The following MAP3K19 variants were observed in gnomAD, a reference collection of about 807,000 sequenced individuals.
MAP3K19 encodes the protein SPS1/STE20-related protein kinase YSK4.
In MAP3K19, 91 loss-of-function variants were observed where a neutral mutation model predicts 114.4. The ratio of observed to expected loss-of-function variants is 0.80; its 90% CI spans 0.67 to 0.95. MAP3K19 has a LOEUF of 0.95. Among genes scored for constraint, MAP3K19 ranks in the 40% least tolerant of loss-of-function variants. The probability of loss-of-function intolerance (pLI) is 0.00; values close to 1 mark genes in which losing one functional copy is unlikely to be tolerated. For synonymous variants in MAP3K19, 518 were observed against 530.5 expected, an observed-to-expected ratio of 0.98 and a Z score of 0.32; for missense variants, 1,471 against 1,573.2, an observed-to-expected ratio of 0.94 and a Z score of 1.10.
At chr2:135,018,391 T>C (rs1033882691) in intron 5 of MAP3K19, among the ~76,000 whole-genome samples, 5 of 151,558 alleles carry the variant, frequency 3.3e-5, no homozygotes, top group East Asian at 1.9e-4. Flanking sequence ...GGCTGGAGCA[T>C]AGTGGCATGG....
At chr2:134,968,222 A>G (rs539920287) in intron 12 of MAP3K19, among the ~76,000 whole-genome samples, 16 of 152,302 alleles carry the variant, frequency 1.1e-4, no homozygotes, top group East Asian at 5.8e-4. Flanking sequence ...AATTTTTCTT[A>G]GTACAGAACA....
At position 134,999,061 on chromosome 2, in the gene MAP3K19, T is replaced by C. The variant is rs1371625180; in HGVS notation, c.315-64A>G. 2.6e-6 allele frequency: 4 copies of C among 1,544,546 alleles called. No individual in the cohort carries two copies. In the African/African-American group the frequency reaches 5.5e-5, roughly 21 times the overall value. ...GCCACATCTTCTGGATCTCCAGTCC[T>C]CAGTTCAGCCTGACATCACTAGAAA... On this transcript the variant is annotated intron_variant, in intron 7 of 12. Transcript: ENST00000392915. This position sits in a 1 kb window ranked among gnomAD's most constrained non-coding sequence, Gnocchi z 4.1.
At chr2:134,992,362 C>T (rs1685643741) in intron 8 of MAP3K19, among the ~76,000 whole-genome samples, 1 of 152,144 alleles carries the variant, frequency 6.6e-6, no homozygotes, top group South Asian at 2.1e-4. Context: ...ATGGGACTTA[C>T]TAGGTAGTAT....
At chr2:135,024,859 G>A in intron 3 of MAP3K19, 118 bp from the exon 4 acceptor site, 3 of 494,862 alleles carry the variant, frequency 6.1e-6, no homozygotes, top group South Asian at 3.4e-5. Flanking sequence ...ATGTAGTTTG[G>A]GGATAATAAT....
intron 8 of MAP3K19, among the ~76,000 whole-genome samples, chr2:134,996,131 G>T (rs530376559): frequency 2.1e-3 from 321 of 152,078 alleles, no homozygotes; most frequent in African/African-American, 6.5e-3. Context: ...TTTTATATAT[G>T]TACTTTTTTT....
intron 10 of MAP3K19, 75 bp from the exon 11 acceptor site, chr2:134,983,900 A>G (rs1389581095): frequency 9.6e-7 from 1 of 1,040,634 alleles, no homozygotes; most frequent in East Asian, 2.7e-5. Context: ...GTGAGAGTAA[A>G]GTCTTCTTTT....
chr2:134,989,919 T>C (rs1199929615), intron 9 of MAP3K19, among the ~76,000 whole-genome samples: 7 of 151,882 alleles, frequency 4.6e-5, no homozygotes, highest in Non-Finnish European at 1.5e-5. Context: ...CCATCTCTAC[T>C]AAAAATACAA....
chr2:135,037,472 T>C (rs1416506420), intron 2 of MAP3K19, among the ~76,000 whole-genome samples: 2 of 152,186 alleles, frequency 1.3e-5, no homozygotes, highest in Non-Finnish European at 2.9e-5. Flanking sequence ...GGTCCCAGAC[T>C]CTGTTGGTGA....
intron 1 of MAP3K19, among the ~76,000 whole-genome samples, chr2:135,041,683 CA>C (rs1210773413): frequency 6.6e-6 from 1 of 152,178 alleles, no homozygotes; most frequent in East Asian, 1.9e-4. Context: ...CTCTATACTC[CA>C]ACTTCTGCTT....
At chr2:135,021,662 A>G in intron 5 of MAP3K19, 53 bp downstream of exon 5, 1 of 946,970 alleles carries the variant, frequency 1.1e-6, no homozygotes, top group Non-Finnish European at 1.6e-6. Flanking sequence ...CAACACAAAT[A>G]AAGTAGTAGA....
chr2:134,991,446 C>A, intron 9 of MAP3K19, 91 bp downstream of exon 9: 1 of 1,086,694 alleles, frequency 9.2e-7, no homozygotes, highest in South Asian at 1.3e-5. Flanking sequence ...GTTGAAGGGT[C>A]AAGTGTAATT....
At chr2:135,025,587 C>T (rs11903529) in intron 3 of MAP3K19, among the ~76,000 whole-genome samples, 39,982 of 151,542 alleles carry the variant, frequency 0.26, 7,075 homozygotes, top group African/African-American at 0.48. Flanking sequence ...GGGGTTTCAC[C>T]GTGTTAGCCA....
Position 134,999,020 on chromosome 2 carries a change from G to T in MAP3K19, c.315-23C>A, listed in dbSNP as rs201063592. 87 of 1,598,146 alleles carry T rather than the reference G, an allele frequency of 5.4e-5. 1 individual carries two copies. In the African/African-American group the frequency reaches 1.1e-3, roughly 21 times the overall value. ...AGACTAAAGGGGGAGGGAAATGTTTGATTTAAAACTCAGTTGCCACATCTT... is the reference window on the plus strand; with the variant it reads ...AGACTAAAGGGGGAGGGAAATGTTTTATTTAAAACTCAGTTGCCACATCTT... On this transcript the variant is annotated intron_variant, in intron 7 of 12. Transcript: ENST00000392915. The surrounding 1 kb of genome is among the most constrained non-coding windows in gnomAD (Gnocchi z 4.1).
At chr2:134,978,116 A>T (rs551547594) in intron 12 of MAP3K19, among the ~76,000 whole-genome samples, 35 of 151,862 alleles carry the variant, frequency 2.3e-4, no homozygotes, top group African/African-American at 8.0e-4. Flanking sequence ...GTTAGCTTCC[A>T]TTGTGAGCAT....
At chr2:134,996,259 T>C (rs1559163092) in intron 8 of MAP3K19, among the ~76,000 whole-genome samples, 1 of 149,636 alleles carries the variant, frequency 6.7e-6, no homozygotes, top group South Asian at 2.1e-4. Flanking sequence ...GCACAGCTAG[T>C]ACTTCTTATT....
intron 12 of MAP3K19, among the ~76,000 whole-genome samples, chr2:134,969,206 G>A (rs1317358123): frequency 6.6e-6 from 1 of 152,120 alleles, no homozygotes; most frequent in Non-Finnish European, 1.5e-5. Flanking sequence ...ACGAAAACCA[G>A]TCAGGTGTGG....
intron 5 of MAP3K19, among the ~76,000 whole-genome samples, chr2:135,014,503 A>G (rs1034751463): frequency 3.3e-5 from 5 of 152,146 alleles, no homozygotes; most frequent in African/African-American, 1.2e-4. Context: ...GCTGAAAACC[A>G]TATTCTTTTT....
In MAP3K19 at chr2:134,998,759, C is replaced by T; in HGVS notation, c.553G>A (p.Glu185Lys). 1 of 1,599,790 alleles carries T rather than the reference C, an allele frequency of 6.3e-7. No individual in the cohort carries two copies. Among genetic ancestry groups the T allele is most frequent in the Non-Finnish European group, 8.5e-7 (1 of 1,172,712 alleles). The change falls in exon 8 of 13, where the codon GAG becomes AAG. Residue 185 changes from glutamate (E) to lysine (K), a missense_variant. By Grantham distance (56) the Glu-to-Lys change is moderately conservative. Coordinates refer to ENST00000392915, the MANE Select transcript of MAP3K19 (RefSeq NM_025052.5). ...TREDAPHFLK[E>K]QQRKSEEFST... ...TTACCTTCAGATTTTCTTTGCTGCTCCTTCAGAAAATGAGGAGCATCTTCT... is the reference window on the plus strand; with the variant it reads ...TTACCTTCAGATTTTCTTTGCTGCTTCTTCAGAAAATGAGGAGCATCTTCT...
intron 12 of MAP3K19, among the ~76,000 whole-genome samples, chr2:134,968,675 T>G (rs1478506314): frequency 1.5e-5 from 2 of 137,858 alleles, no homozygotes; most frequent in African/African-American, 2.8e-5. Context: ...CCAGACGGGG[T>G]CGCGGCCGGG....
Sources: gnomAD v4.1 joint callset for allele counts (sites outside exome capture counted in the v4.1 genomes callset) on GRCh38, gnomAD v4.1.1 for gene constraint, Gnocchi (gnomAD v3.1) non-coding constraint, MANE v1.5 for transcripts, NCBI Gene and HGNC (gene_info 2026-07-23, HGNC 2026-07-21) for gene names.